Variants in CTIF observed in about 807,000 individuals in gnomAD.
The protein encoded by CTIF is CBP80/20-dependent translation initiation factor.
Under a neutral mutation model 66.0 loss-of-function variants are expected in CTIF, and 21 were observed. The ratio of observed to expected loss-of-function variants is 0.32; its 90% CI spans 0.23 to 0.46. The LOEUF (loss-of-function observed/expected upper bound fraction) is 0.46, where lower values mean the gene tolerates loss of function less well. Among genes scored for constraint, CTIF ranks in the 20% least tolerant of loss-of-function variants. The pLI is 1.00. For synonymous variants in CTIF, 345 were observed against 326.4 expected, an observed-to-expected ratio of 1.06 and a Z score of -0.62; for missense variants, 739 against 812.7, an observed-to-expected ratio of 0.91 and a Z score of 1.10.
intron 9 of CTIF, among the ~76,000 whole-genome samples, chr18:48,791,500 C>G (rs2067791584): frequency 6.6e-6 from 1 of 152,228 alleles, no homozygotes; most frequent in African/African-American, 2.4e-5. Flanking sequence ...CCCCAGCCCC[C>G]AAGCTGAGTG....
At chr18:48,672,310 G>A (rs2091549026) in intron 6 of CTIF, among the ~76,000 whole-genome samples, 1 of 152,022 alleles carries the variant, frequency 6.6e-6, no homozygotes, top group Admixed American at 6.5e-5. Context: ...GGGTCAGCTG[G>A]CCTAGCTATT....
intron 1 of CTIF, among the ~76,000 whole-genome samples, chr18:48,576,350 G>C (rs763712486): frequency 6.6e-6 from 1 of 152,260 alleles, no homozygotes; most frequent in Non-Finnish European, 1.5e-5. Flanking sequence ...AGAGATAGAA[G>C]AATTTGCGGT....
chr18:48,751,343 C>T (rs1400902666), intron 7 of CTIF, among the ~76,000 whole-genome samples: 1 of 152,184 alleles, frequency 6.6e-6, no homozygotes, highest in African/African-American at 2.4e-5. Flanking sequence ...AGAACATAGG[C>T]CTGTGCTGCT....
intron 3 of CTIF, among the ~76,000 whole-genome samples, chr18:48,661,361 G>A (rs556728491): frequency 1.3e-5 from 2 of 151,928 alleles, no homozygotes; most frequent in South Asian, 2.1e-4. Flanking sequence ...TGCAATAGAT[G>A]CTTTGGAAGC....
intron 9 of CTIF, among the ~76,000 whole-genome samples, chr18:48,767,058 A>G (rs1456623199): frequency 6.6e-6 from 1 of 152,158 alleles, no homozygotes; most frequent in Non-Finnish European, 1.5e-5. Flanking sequence ...CTGTCTCCCC[A>G]TACACCTTCC....
chr18:48,782,725 A>C (rs535195906), intron 9 of CTIF, among the ~76,000 whole-genome samples: 1 of 152,092 alleles, frequency 6.6e-6, no homozygotes, highest in Non-Finnish European at 1.5e-5. Flanking sequence ...GTTCAGTCCA[A>C]CCTCGGCTTG....
intron 6 of CTIF, among the ~76,000 whole-genome samples, chr18:48,677,636 A>G (rs1406020507): frequency 6.6e-6 from 1 of 152,174 alleles, no homozygotes; most frequent in Non-Finnish European, 1.5e-5. Flanking sequence ...CCTTCTCAGT[A>G]AGGGCTTGTG....
intron 3 of CTIF, among the ~76,000 whole-genome samples, chr18:48,650,742 C>T (rs955538895): frequency 3.3e-5 from 5 of 152,100 alleles, no homozygotes; most frequent in Middle Eastern, 3.4e-3. Flanking sequence ...GGGTTACCCA[C>T]GAAAGAAAGC....
intron 10 of CTIF, among the ~76,000 whole-genome samples, chr18:48,821,444 C>G (rs974752318): frequency 6.6e-6 from 1 of 152,266 alleles, no homozygotes; most frequent in Admixed American, 6.5e-5. Flanking sequence ...GCGGTAGAAT[C>G]AGTCCTGGAA....
At chr18:48,687,174 C>T (rs2091853489) in intron 6 of CTIF, among the ~76,000 whole-genome samples, 1 of 151,852 alleles carries the variant, frequency 6.6e-6, no homozygotes, top group East Asian at 1.9e-4. Flanking sequence ...CTTCAGAGTT[C>T]AGGCAGGAGA....
At chr18:48,718,157 C>G (rs1419631591) in intron 7 of CTIF, among the ~76,000 whole-genome samples, 4 of 152,208 alleles carry the variant, frequency 2.6e-5, no homozygotes, top group Non-Finnish European at 5.9e-5. Context: ...CCTGTGCTAG[C>G]TATTAGTGGT....
At chr18:48,834,921 C>G (rs1025848266) in intron 10 of CTIF, among the ~76,000 whole-genome samples, 3 of 152,220 alleles carry the variant, frequency 2.0e-5, no homozygotes, top group African/African-American at 7.2e-5. Flanking sequence ...CTCGTGCTGT[C>G]AGTTCGCTCC....
intron 1 of CTIF, among the ~76,000 whole-genome samples, chr18:48,607,703 A>G (rs1311892599): frequency 6.6e-6 from 1 of 152,146 alleles, no homozygotes; most frequent in Non-Finnish European, 1.5e-5. Flanking sequence ...TGGTGGGGGC[A>G]TTACAGGAGC....
At chr18:48,828,017 C>A (rs938906045) in intron 10 of CTIF, among the ~76,000 whole-genome samples, 17 of 149,048 alleles carry the variant, frequency 1.1e-4, no homozygotes, top group Non-Finnish European at 1.8e-4. Flanking sequence ...CCACTCCCGA[C>A]CCTCTCCCCA....
At position 48,639,740 on chromosome 18, in the gene CTIF, A is replaced by G. The variant is rs549610802; in HGVS notation, c.252+3055A>G. On this transcript the variant is annotated intron_variant, in intron 3 of 11. Coordinates refer to ENST00000256413, the MANE Select transcript of CTIF (RefSeq NM_014772.3). ...GATGGGCGTTTGGGGCTGGTGTGGTAGCCCAACAGTGTGGGGGCCGGATCC... is the reference window on the plus strand; with the variant it reads ...GATGGGCGTTTGGGGCTGGTGTGGTGGCCCAACAGTGTGGGGGCCGGATCC... Among the ~76,000 whole-genome samples, 6 of 152,292 alleles carry G rather than the reference A, an allele frequency of 3.9e-5. No individual in the cohort carries two copies. In the East Asian group the frequency reaches 1.2e-3, roughly 29 times the overall value.
At chr18:48,647,501 T>G (rs1598799700) in intron 3 of CTIF, among the ~76,000 whole-genome samples, 2 of 152,356 alleles carry the variant, frequency 1.3e-5, no homozygotes, top group Admixed American at 1.3e-4. Context: ...ACTTTCCCCA[T>G]GGAGGGAAAC....
intron 5 of CTIF, among the ~76,000 whole-genome samples, chr18:48,666,942 A>G (rs1298138491): frequency 6.6e-6 from 1 of 152,176 alleles, no homozygotes; most frequent in East Asian, 1.9e-4. Flanking sequence ...ATGCTTGCCC[A>G]GTGTCCTGTT....
At chr18:48,730,220 A>G (rs1161639400) in intron 7 of CTIF, among the ~76,000 whole-genome samples, 171 of 92,092 alleles carry the variant, frequency 1.9e-3, no homozygotes, top group Middle Eastern at 0.019. Flanking sequence ...TGGTGTGAGG[A>G]GCCCCCGAAG....
At chr18:48,661,717 C>G (rs1442559905) in intron 3 of CTIF, 1 of 152,202 alleles carries the variant, frequency 6.6e-6, no homozygotes, top group African/African-American at 2.4e-5. Context: ...TTAGTGATAT[C>G]TGCCGCTGGC....
Sources: gnomAD v4.1 joint callset for allele counts (sites outside exome capture counted in the v4.1 genomes callset) on GRCh38, gnomAD v4.1.1 for gene constraint, MANE v1.5 for transcripts, NCBI Gene and HGNC (gene_info 2026-07-23, HGNC 2026-07-21) for gene names.